MAP2K5: variants seen among roughly 807,000 people sequenced by gnomAD.
MAP2K5 encodes the protein mitogen-activated protein kinase kinase 5.
In MAP2K5, 49 loss-of-function variants were observed where a neutral mutation model predicts 83.1. That is an observed-to-expected ratio of 0.59 (90% CI 0.47 to 0.75). MAP2K5 has a LOEUF of 0.75. Ranked by LOEUF, MAP2K5 falls within the 30% of genes least tolerant of loss-of-function variation. MAP2K5 has a pLI of 0.00. For synonymous variants in MAP2K5, 202 were observed against 191.8 expected (o/e 1.05, Z -0.44); for missense variants, 457 against 557.5 (o/e 0.82, Z 1.82).
chr15:67,765,344 C>T (rs553180729), intron 19 of MAP2K5, among the ~76,000 whole-genome samples: 3 of 150,760 alleles, frequency 2.0e-5, no homozygotes, highest in Admixed American at 6.6e-5. Context: ...GGTGACAGAG[C>T]GAGACTCCAT....
At position 67,778,931 on chromosome 15, in the gene MAP2K5, G is replaced by C. The variant is rs1037172534; in HGVS notation, c.1242+6179G>C. ...ATGATGGTTAATAAATTGTGAACTTGGATGTAGTTCACTACAGTTAGGTAT... is the reference window on the plus strand; with the variant it reads ...ATGATGGTTAATAAATTGTGAACTTCGATGTAGTTCACTACAGTTAGGTAT... On this transcript the variant is annotated intron_variant, in intron 21 of 21. Transcript: ENST00000178640. This position sits in a 1 kb window ranked among gnomAD's most constrained non-coding sequence, Gnocchi z 5.0. 1.3e-5 allele frequency among the ~76,000 whole-genome samples: 2 copies of C among 152,122 alleles called. No homozygotes were observed. The highest frequency in any genetic ancestry group is 4.8e-5 in the African/African-American group (2 of 41,424).
At chr15:67,600,563 G>T in intron 7 of MAP2K5, 122 bp from the exon 8 acceptor site, 1 of 696,370 alleles carries the variant, frequency 1.4e-6, no homozygotes, top group Non-Finnish European at 2.4e-6. Flanking sequence ...TGATCTTCTC[G>T]TTTTTGCAGC....
intron 17 of MAP2K5, among the ~76,000 whole-genome samples, chr15:67,739,485 T>A (rs2089442484): frequency 1.2e-4 from 6 of 50,164 alleles, no homozygotes; most frequent in Non-Finnish European, 2.5e-4. Flanking sequence ...TTTTTTTTTT[T>A]TTTTTTTTTT....
intron 3 of MAP2K5, among the ~76,000 whole-genome samples, chr15:67,567,692 A>G (rs1194938615): frequency 6.6e-6 from 1 of 152,094 alleles, no homozygotes; most frequent in Non-Finnish European, 1.5e-5. Context: ...AGAATTTGAA[A>G]TGCTTTATTA....
At chr15:67,799,123 C>T (rs981205011) in intron 21 of MAP2K5, among the ~76,000 whole-genome samples, 16 of 152,332 alleles carry the variant, frequency 1.1e-4, no homozygotes, top group Admixed American at 7.2e-4. Flanking sequence ...GAGCCGAGAT[C>T]GCGCCACTGC....
chr15:67,657,220 T>G (rs142879997), intron 11 of MAP2K5, among the ~76,000 whole-genome samples: 20 of 152,274 alleles, frequency 1.3e-4, no homozygotes, highest in African/African-American at 4.3e-4. Flanking sequence ...GTCCATTTAG[T>G]TAATTAGGCC....
intron 19 of MAP2K5, among the ~76,000 whole-genome samples, chr15:67,751,734 A>G (rs1222319685): frequency 6.6e-6 from 1 of 152,226 alleles, no homozygotes; most frequent in Non-Finnish European, 1.5e-5. Context: ...TGTTCTGAAC[A>G]TGGTACTGAA....
chr15:67,683,149 A>G (rs2087865271), intron 13 of MAP2K5, among the ~76,000 whole-genome samples: 1 of 152,172 alleles, frequency 6.6e-6, no homozygotes, highest in South Asian at 2.1e-4. Flanking sequence ...TCTCAAAAAA[A>G]AAAAGTTGTA....
chr15:67,596,466 G>T (rs973766392), intron 7 of MAP2K5, among the ~76,000 whole-genome samples: 2 of 152,154 alleles, frequency 1.3e-5, no homozygotes, highest in Admixed American at 1.3e-4. Context: ...AAAAAAAAGG[G>T]AGGGGGAATA....
In MAP2K5 at chr15:67,552,618, G is replaced by A. The variant is rs1019984453; in HGVS notation, c.184+2536G>A. Among the ~76,000 whole-genome samples, 1 of 151,986 alleles carries A rather than the reference G, an allele frequency of 6.6e-6. No homozygotes were observed. Among genetic ancestry groups the A allele is most frequent in the Admixed American group, 6.6e-5 (1 of 15,258 alleles). ...CCTAGCTAATTAAAAAAATTTTTTTGTAGAAACGGGGTCTTGCTGTGTTGC... is the reference window on the plus strand; with the variant it reads ...CCTAGCTAATTAAAAAAATTTTTTTATAGAAACGGGGTCTTGCTGTGTTGC... On this transcript the variant is annotated intron_variant, in intron 2 of 21. Coordinates refer to ENST00000178640, the MANE Select transcript of MAP2K5 (RefSeq NM_145160.3). This position sits in a 1 kb window ranked among gnomAD's most constrained non-coding sequence, Gnocchi z 4.2.
chr15:67,743,932 A>G (rs1178886591), intron 17 of MAP2K5, among the ~76,000 whole-genome samples: 1 of 152,202 alleles, frequency 6.6e-6, no homozygotes, highest in African/African-American at 2.4e-5. Flanking sequence ...CTAGAATCCC[A>G]GGGGTCTTTC....
At chr15:67,569,062 A>G (rs977534174) in intron 3 of MAP2K5, among the ~76,000 whole-genome samples, 9 of 152,072 alleles carry the variant, frequency 5.9e-5, no homozygotes, top group Admixed American at 5.9e-4. Flanking sequence ...GAAGGTTTAA[A>G]AGTTTTGTCC....
intron 4 of MAP2K5, among the ~76,000 whole-genome samples, chr15:67,582,208 C>T (rs1221612185): frequency 2.0e-5 from 3 of 151,808 alleles, no homozygotes; most frequent in Non-Finnish European, 2.9e-5. Context: ...ATTACAGGCT[C>T]GTGTCACCAC....
Position 67,702,156 on chromosome 15 carries a change from C to T in MAP2K5, c.973-1181C>T, listed in dbSNP as rs1019440955. Reference sequence around the variant, plus strand: ...CTTCTTTTATAGTGGATACAGCACTCATAATGGTTAGTAATGTAAACTACT... The same window carrying T: ...CTTCTTTTATAGTGGATACAGCACTTATAATGGTTAGTAATGTAAACTACT... On this transcript the variant is annotated intron_variant, in intron 15 of 21. Transcript: ENST00000178640. The surrounding 1 kb of genome is among the most constrained non-coding windows in gnomAD (Gnocchi z 4.6). Among the ~76,000 whole-genome samples, 1 of 152,120 alleles carries T rather than the reference C, an allele frequency of 6.6e-6. No individual in the cohort carries two copies. Among genetic ancestry groups the T allele is most frequent in the African/African-American group, 2.4e-5 (1 of 41,418 alleles).
chr15:67,637,123 G>C lies in MAP2K5; in HGVS notation c.585+6196G>C, dbSNP rs1217188330. Among the ~76,000 whole-genome samples, 1 of 152,150 alleles carries C rather than the reference G, an allele frequency of 6.6e-6. No individual in the cohort carries two copies. The highest frequency in any genetic ancestry group is 1.5e-5 in the Non-Finnish European group (1 of 68,028). ...TCAGGCCTTCAGCTACAGACTGAAG[G>C]CTGCACTGTTGGCTTCCCTACTTTT... is the stretch of plus-strand genomic sequence containing the variant. On this transcript the variant is annotated intron_variant, in intron 9 of 21. Coordinates refer to ENST00000178640, the MANE Select transcript of MAP2K5 (RefSeq NM_145160.3). The surrounding 1 kb of genome is among the most constrained non-coding windows in gnomAD (Gnocchi z 4.5).
intron 17 of MAP2K5, among the ~76,000 whole-genome samples, chr15:67,743,246 C>T (rs28671709): frequency 3.9e-5 from 6 of 152,178 alleles, no homozygotes; most frequent in African/African-American, 1.2e-4. Flanking sequence ...TCTTAGAATG[C>T]GAGAATCGTT....
rs111835930 is a variant in MAP2K5, at chr15:67,585,689, A to G, written c.323-201A>G. ...GAATTTATATGAGGTGGTGTCAGAA[A>G]GCTCTTTGCATTTATAAATGCTCAC... On this transcript the variant is annotated intron_variant, in intron 4 of 21. Coordinates refer to ENST00000178640, the MANE Select transcript of MAP2K5 (RefSeq NM_145160.3). The G allele has an allele frequency of 2.4e-5, 13 of 534,940 alleles. No individual in the cohort carries two copies. The South Asian group carries it at 3.3e-4, about 14-fold the overall frequency. 33.1% of individuals were successfully genotyped at this position (534,940 alleles called of 1,614,324 possible). A position where few individuals can be genotyped will look rare whatever the true frequency, so the allele number is the denominator to read the frequency against.
chr15:67,683,607 C>A (rs2087875780), intron 13 of MAP2K5, among the ~76,000 whole-genome samples: 1 of 151,974 alleles, frequency 6.6e-6, no homozygotes, highest in Non-Finnish European at 1.5e-5. Context: ...ACTAAAAGTA[C>A]AAAAATTAAC....
At chr15:67,618,526 A>G (rs772069451) in intron 8 of MAP2K5, among the ~76,000 whole-genome samples, 47 of 152,288 alleles carry the variant, frequency 3.1e-4, no homozygotes, top group Non-Finnish European at 6.5e-4. Flanking sequence ...CTTCAGACTC[A>G]TATCTGATTA....
Sources: allele counts gnomAD v4.1 joint callset (sites outside exome capture counted in the v4.1 genomes callset), GRCh38; gene constraint gnomAD v4.1.1; non-coding constraint Gnocchi (gnomAD v3.1); transcripts MANE v1.5; gene names NCBI Gene and HGNC (gene_info 2026-07-23, HGNC 2026-07-21).